DNAH12: variants seen among roughly 807,000 people sequenced by gnomAD.
DNAH12 encodes axonemal beta dynein heavy chain 12.
Under a neutral mutation model 371.5 loss-of-function variants are expected in DNAH12, and 285 were observed. The ratio of observed to expected loss-of-function variants is 0.77; its 90% CI spans 0.70 to 0.85. DNAH12 has a LOEUF of 0.85. Ranked by LOEUF, DNAH12 falls within the 40% of genes least tolerant of loss-of-function variation. The pLI is 0.00. For synonymous variants in DNAH12, 1,200 were observed against 1,213.0 expected, an observed-to-expected ratio of 0.99 and a Z score of 0.22; for missense variants, 3,611 against 3,689.4, an observed-to-expected ratio of 0.98 and a Z score of 0.55.
At chr3:57,347,168 A>T (rs772711140) in intron 60 of DNAH12, among the ~76,000 whole-genome samples, 37 of 152,200 alleles carry the variant, frequency 2.4e-4, no homozygotes, top group Non-Finnish European at 4.9e-4. Context: ...AAGAAAGGAA[A>T]ACTACAATCC....
At chr3:57,477,099 C>A (rs886170178) in intron 13 of DNAH12, among the ~76,000 whole-genome samples, 23 of 152,122 alleles carry the variant, frequency 1.5e-4, no homozygotes, top group African/African-American at 5.6e-4. Context: ...GTGCAGCGCA[C>A]TGAGCATGAG....
At chr3:57,419,289 A>T in intron 37 of DNAH12, 78 bp downstream of exon 37, 1 of 1,354,030 alleles carries the variant, frequency 7.4e-7, no homozygotes, top group Admixed American at 3.6e-5. Context: ...ATGATCTCGA[A>T]TACTTCAAAA....
At chr3:57,427,010 A>G (rs2064791758) in intron 34 of DNAH12, among the ~76,000 whole-genome samples, 2 of 152,120 alleles carry the variant, frequency 1.3e-5, no homozygotes, top group Non-Finnish European at 2.9e-5. Context: ...CAGAATCTTC[A>G]TAAAGTGGAA....
At chr3:57,307,452 G>A (rs917472369) in intron 69 of DNAH12, among the ~76,000 whole-genome samples, 3 of 152,118 alleles carry the variant, frequency 2.0e-5, no homozygotes, top group African/African-American at 7.2e-5. Context: ...CAAGAACTGC[G>A]ACTGCGCCCT....
rs2063479599 is a variant in DNAH12 at position 57,385,332 on chromosome 3, CA to C, written c.7683+16del. On this transcript the variant is annotated intron_variant, in intron 48 of 73. Coordinates refer to ENST00000495027, the MANE Select transcript of DNAH12 (RefSeq NM_001366028.2). Reference sequence around the variant, plus strand: ...TTCAATTGTCCTTTGACATCAAAAACATTCAGGATACTCTACCTGCATCATA... The same window carrying C: ...TTCAATTGTCCTTTGACATCAAAAACTTCAGGATACTCTACCTGCATCATA... 2 of 152,196 alleles carry C rather than the reference CA, an allele frequency of 1.3e-5. No individual in the cohort carries two copies. Among genetic ancestry groups the C allele is most frequent in the South Asian group, 4.1e-4 (2 of 4,832 alleles). The allele number at this position is 152,196 out of a possible 1,614,324, so 9.4% of individuals were successfully genotyped here. A position where few individuals can be genotyped will look rare whatever the true frequency, so the allele number is the denominator to read the frequency against.
intron 2 of DNAH12, chr3:57,530,343 A>T (rs2068797992): frequency 3.2e-5 from 15 of 464,884 alleles, no homozygotes; most frequent in Middle Eastern, 6.1e-4. Context: ...AAGGATGAGG[A>T]TTTATTTGCC....
At chr3:57,435,619 A>T (rs1227524310) in intron 30 of DNAH12, among the ~76,000 whole-genome samples, 1 of 152,082 alleles carries the variant, frequency 6.6e-6, no homozygotes, top group Non-Finnish European at 1.5e-5. Flanking sequence ...GACCAAAAAA[A>T]CTGTGAGTCT....
chr3:57,537,417 C>T (rs190874503), intron 2 of DNAH12, among the ~76,000 whole-genome samples: 20 of 152,180 alleles, frequency 1.3e-4, no homozygotes, highest in African/African-American at 4.6e-4. Flanking sequence ...ATGATACTGG[C>T]TCAGCCAAGC....
chr3:57,377,410 T>C (rs2063302459), intron 52 of DNAH12, among the ~76,000 whole-genome samples, 188 bp from the exon 53 acceptor site: 1 of 152,110 alleles, frequency 6.6e-6, no homozygotes, highest in South Asian at 2.1e-4. Context: ...TAGATAAATC[T>C]GGACTAGCAA....
chr3:57,393,511 A>C (rs1256975444), intron 44 of DNAH12, among the ~76,000 whole-genome samples: 66,552 of 150,724 alleles, frequency 0.44, 15,921 homozygotes, highest in East Asian at 0.62. Flanking sequence ...CTGTGGTTCC[A>C]GCTACTTGGG....
intron 17 of DNAH12, among the ~76,000 whole-genome samples, chr3:57,466,454 G>T (rs540236899): frequency 6.6e-6 from 1 of 152,284 alleles, no homozygotes; most frequent in South Asian, 2.1e-4. Context: ...TCTCTGAGAT[G>T]AATAGACATA....
chr3:57,321,769 C>T (rs991947812), intron 65 of DNAH12, among the ~76,000 whole-genome samples: 4 of 152,164 alleles, frequency 2.6e-5, no homozygotes, highest in African/African-American at 9.7e-5. Context: ...GGTTACCATA[C>T]ATTTATACTT....
chr3:57,326,302 C>T (rs7638957), intron 62 of DNAH12, among the ~76,000 whole-genome samples: 48,290 of 151,536 alleles, frequency 0.32, 8,479 homozygotes, highest in African/African-American at 0.45. Flanking sequence ...TTAAGGGCAG[C>T]CAGAGAGAAA....
In DNAH12 at chr3:57,405,760, CATT is replaced by C; in HGVS notation, c.6466_6468del (p.Asn2156del). 1 of 1,551,666 alleles carries C rather than the reference CATT, an allele frequency of 6.4e-7. No individual in the cohort carries two copies. Among genetic ancestry groups the C allele is most frequent in the Non-Finnish European group, 8.7e-7 (1 of 1,146,984 alleles). On this transcript the variant is annotated inframe_deletion, in exon 41 of 74. Transcript: ENST00000495027. ...TGGAACAGCCATCTTCGATCATCAT[CATT>C]AATGAGGCGATCATAAAACACTCGG...
At chr3:57,389,538 G>C (rs1355056255) in intron 45 of DNAH12, among the ~76,000 whole-genome samples, 2 of 151,850 alleles carry the variant, frequency 1.3e-5, no homozygotes, top group African/African-American at 4.8e-5. Flanking sequence ...ACTTGGGCTT[G>C]TCCCATTATG....
At chr3:57,310,999 T>A (rs1315250572) in intron 66 of DNAH12, 49 bp from the exon 67 acceptor site, 1 of 1,292,922 alleles carries the variant, frequency 7.7e-7, no homozygotes, top group Non-Finnish European at 1.1e-6. Context: ...GTATTTCACT[T>A]CATTTCCATT....
chr3:57,530,552 T>A, intron 2 of DNAH12: 1 of 693,684 alleles, frequency 1.4e-6, no homozygotes, highest in Non-Finnish European at 2.7e-6. Flanking sequence ...TTTTAGATTG[T>A]TTTTTGTTTA....
rs150077349 is a variant in DNAH12, at chr3:57,429,038, G to A, written c.5065-217C>T. Among the ~76,000 whole-genome samples, 34 of 152,220 alleles carry A rather than the reference G, an allele frequency of 2.2e-4. No individual in the cohort carries two copies. In the East Asian group the frequency reaches 5.4e-3, roughly 24 times the overall value. On this transcript the variant is annotated intron_variant, in intron 33 of 73. Coordinates refer to ENST00000495027, the MANE Select transcript of DNAH12 (RefSeq NM_001366028.2). Reference sequence around the variant, plus strand: ...GCTCCATGTCTTTAAACATTATCTCGATCTGGAAACGCCTAGGATTTCCAA... The same window carrying A: ...GCTCCATGTCTTTAAACATTATCTCAATCTGGAAACGCCTAGGATTTCCAA...
intron 39 of DNAH12, among the ~76,000 whole-genome samples, chr3:57,409,164 T>C (rs530532996): frequency 1.3e-5 from 2 of 152,222 alleles, no homozygotes; most frequent in African/African-American, 2.4e-5. Context: ...CAGAAATAAA[T>C]AGGAAATGAC....
Sources: allele counts gnomAD v4.1 joint callset (sites outside exome capture counted in the v4.1 genomes callset), GRCh38; gene constraint gnomAD v4.1.1; transcripts MANE v1.5; gene names NCBI Gene and HGNC (gene_info 2026-07-23, HGNC 2026-07-21).